Variants in H3Y2 observed in about 807,000 individuals in gnomAD.
The protein encoded by H3Y2 is histone H3.X.
A neutral mutation model predicts 0.6 loss-of-function variants in H3Y2; 2 were observed. That is an observed-to-expected ratio of 3.36 (90% CI 1.37 to 10.58). The LOEUF is 10.58. Among genes scored for constraint, H3Y2 ranks in the 30% most tolerant of loss-of-function variants. The pLI is 0.04. For synonymous variants in H3Y2, 20 were observed against 7.8 expected (o/e 2.56, Z -2.60); for missense variants, 36 against 19.1 (o/e 1.89, Z -1.66).
At position 17,491,870 on chromosome 5, in the gene H3Y2, C is replaced by G. The variant is rs1265984238; in HGVS notation, c.-102G>C. 7.5e-6 allele frequency: 3 copies of G among 397,830 alleles called. No individual in the cohort carries two copies. The highest frequency in any genetic ancestry group is 1.3e-5 in the Non-Finnish European group (3 of 226,306). The allele number at this position is 397,830 out of a possible 1,614,324, so 24.6% of individuals were successfully genotyped here. On this transcript the variant is annotated 5_prime_UTR_variant, in exon 1 of 1. The change abolishes the stop of an existing upstream ORF in the 5' untranslated region. Coordinates refer to ENST00000600799, the MANE Select transcript of H3Y2 (RefSeq NM_001371919.1). The stretch of plus-strand genomic sequence containing the variant: ...GGGCAGTGGTGCTGTGGACAGGATT[C>G]AGAGAGCCTGTGAGTTGAGATCCAT...
In H3Y2 at chr5:17,491,500, A is replaced by G. The variant is rs1232315851; in HGVS notation, c.269T>C (p.Ile90Thr). The part of the protein sequence containing the change: ...SPDLRFQSAA[I>T]GALQEASEAY... ...CTCGCTGGCCTCCTGCAGGGCGCCA[A>G]TGGCCGCGCTCTGGAAGCGCAGGTC... The change falls in exon 1 of 1, where the codon ATT becomes ACT. Residue 90 changes from isoleucine to threonine, a missense_variant. Ile to Thr is a moderately conservative substitution (Grantham distance 89, BLOSUM62 -1). Transcript: ENST00000600799. 3.6e-5 allele frequency: 19 copies of G among 521,708 alleles called. No homozygotes were observed. Among genetic ancestry groups the G allele is most frequent in the Non-Finnish European group, 5.1e-5 (15 of 293,630 alleles). The allele number at this position is 521,708 out of a possible 1,614,324, so 32.3% of individuals were successfully genotyped here.
chr5:17,491,647 C>A lies in H3Y2; in HGVS notation c.122G>T (p.Arg41Leu). 4.9e-6 allele frequency: 2 copies of A among 410,608 alleles called. No homozygotes were observed. The highest frequency in any genetic ancestry group is 8.6e-6 in the Non-Finnish European group (2 of 232,172). 25.4% of individuals were successfully genotyped at this position (410,608 alleles called of 1,614,324 possible). ...SPTGGIKKPH[R>L]YKPGTLALRE... is the part of the protein sequence containing the mutation. Reference sequence around the variant, plus strand: ...CAGCGCCAGGGTGCCAGGCTTGTAGCGGTGAGGCTTCTTGATCCCTCCTGT... The same window carrying A: ...CAGCGCCAGGGTGCCAGGCTTGTAGAGGTGAGGCTTCTTGATCCCTCCTGT... Residue 41 changes from arginine to leucine, a missense_variant, in exon 1 of 1, where the codon CGC becomes CTC. Transcript: ENST00000600799.
At position 17,491,647 on chromosome 5, in the gene H3Y2, C is replaced by T. The variant is rs1738114520; in HGVS notation, c.122G>A (p.Arg41His). 4.9e-6 allele frequency: 2 copies of T among 410,608 alleles called. No homozygotes were observed. The highest frequency in any genetic ancestry group is 8.6e-6 in the Non-Finnish European group (2 of 232,172). 25.4% of individuals were successfully genotyped at this position (410,608 alleles called of 1,614,324 possible). ...CAGCGCCAGGGTGCCAGGCTTGTAG[C>T]GGTGAGGCTTCTTGATCCCTCCTGT... ...SPTGGIKKPH[R>H]YKPGTLALRE... Residue 41 changes from arginine to histidine, a missense_variant, in exon 1 of 1, where the codon CGC (arginine) becomes CAC (histidine). Physicochemically the swap from Arg to His is conservative, Grantham distance 29. Transcript: ENST00000600799.
At position 17,491,710 on chromosome 5, in the gene H3Y2, G is replaced by A. The variant is rs1738116643; in HGVS notation, c.59C>T (p.Pro20Leu). Residue 20 changes from proline (P) to leucine (L), a missense_variant, in exon 1 of 1, where the codon CCC becomes CTC. Physicochemically the swap from Pro to Leu is moderately conservative, Grantham distance 98. Coordinates refer to ENST00000600799, the MANE Select transcript of H3Y2 (RefSeq NM_001371919.1). ...TTTTCTGGCGGCTTTGGTGGCCAGGGGCTTCCTGGGGGCCTGCCAGGCGGT... is the reference window on the plus strand; with the variant it reads ...TTTTCTGGCGGCTTTGGTGGCCAGGAGCTTCCTGGGGGCCTGCCAGGCGGT... ...KATAWQAPRK[P>L]LATKAARKRA... 4.9e-6 allele frequency: 2 copies of A among 404,092 alleles called. No individual in the cohort carries two copies. The highest frequency in any genetic ancestry group is 1.1e-4 in the South Asian group (1 of 8,764). The allele number at this position is 404,092 out of a possible 1,614,324, so 25.0% of individuals were successfully genotyped here.
chr5:17,491,794 C>A lies in H3Y2; in HGVS notation c.-26G>T. On this transcript the variant is annotated 5_prime_UTR_variant, in exon 1 of 1. Coordinates refer to ENST00000600799, the MANE Select transcript of H3Y2 (RefSeq NM_001371919.1). ...GTTGTGGGGCCTTGTGCTCTCTCCT[C>A]TCTGAGGCTGAGCCTGGCCTGCTGC... is the stretch of plus-strand genomic sequence containing the variant. 2.5e-6 allele frequency: 1 copy of A among 400,012 alleles called. No homozygotes were observed. Among genetic ancestry groups the A allele is most frequent in the Non-Finnish European group, 4.4e-6 (1 of 227,310 alleles). 24.8% of individuals were successfully genotyped at this position (400,012 alleles called of 1,614,324 possible).
In H3Y2 at chr5:17,491,976, G is replaced by A. The variant is rs2126624569; in HGVS notation, c.-208C>T. 6.6e-6 allele frequency among the ~76,000 whole-genome samples: 1 copy of A among 151,738 alleles called. No individual in the cohort carries two copies. Among genetic ancestry groups the A allele is most frequent in the Admixed American group, 6.6e-5 (1 of 15,264 alleles). On this transcript the variant is annotated 5_prime_UTR_variant, in exon 1 of 1. Transcript: ENST00000600799. Reference sequence around the variant, plus strand: ...CTCTCAGGTCTGTGGGTCGGAGGCCGGGCTGCTTAGTCTTCCCGGAAGGTC... The same window carrying A: ...CTCTCAGGTCTGTGGGTCGGAGGCCAGGCTGCTTAGTCTTCCCGGAAGGTC...
At position 17,491,776 on chromosome 5, in the gene H3Y2, G is replaced by A; in HGVS notation, c.-8C>T. 1 of 401,304 alleles carries A rather than the reference G, an allele frequency of 2.5e-6. No individual in the cohort carries two copies. 24.9% of individuals were successfully genotyped at this position (401,304 alleles called of 1,614,324 possible). A position where few individuals can be genotyped will look rare whatever the true frequency, so the allele number is the denominator to read the frequency against. On this transcript the variant is annotated 5_prime_UTR_variant, in exon 1 of 1. Transcript: ENST00000600799. The stretch of plus-strand genomic sequence containing the variant: ...CTGCTTGGTGCGCGCCATGTTGTGG[G>A]GCCTTGTGCTCTCTCCTCTCTGAGG...
In H3Y2 at chr5:17,491,302, C is replaced by T. The variant is rs1157106346; in HGVS notation, c.*23G>A. The T allele has an allele frequency of 1.2e-5, 5 of 400,502 alleles. 1 individual carries two copies. Among genetic ancestry groups the T allele is most frequent in the Non-Finnish European group, 1.3e-5 (3 of 226,986 alleles). The allele number at this position is 400,502 out of a possible 1,614,324, so 24.8% of individuals were successfully genotyped here. Reference sequence around the variant, plus strand: ...ACGGGGGAAGAGAAAAAAGAAAACACAAGCAAACAGAAAAGAAGTCCTCTA... The same window carrying T: ...ACGGGGGAAGAGAAAAAAGAAAACATAAGCAAACAGAAAAGAAGTCCTCTA... On this transcript the variant is annotated 3_prime_UTR_variant, in exon 1 of 1. Transcript: ENST00000600799.
the H3Y2 span, chr5:17,491,663 TC>T: frequency 2.4e-6 from 1 of 408,534 alleles, no homozygotes; most frequent in Non-Finnish European, 4.3e-6. Flanking sequence ...GGCTTCTTGA[TC>T]CCTCCTGTAG....
rs1738125521 is a variant in H3Y2 at position 17,491,893 on chromosome 5, C to T, written c.-125G>A. The T allele has an allele frequency of 2.5e-6, 1 of 397,362 alleles. No individual in the cohort carries two copies. Among genetic ancestry groups the T allele is most frequent in the Non-Finnish European group, 4.4e-6 (1 of 226,174 alleles). 24.6% of individuals were successfully genotyped at this position (397,362 alleles called of 1,614,324 possible). On this transcript the variant is annotated 5_prime_UTR_variant, in exon 1 of 1. It removes an upstream start codon present in the reference 5' UTR. Coordinates refer to ENST00000600799, the MANE Select transcript of H3Y2 (RefSeq NM_001371919.1). ...TTCAGAGAGCCTGTGAGTTGAGATC[C>T]ATGCGCAGGACTCTCCCACACACTT...
At position 17,491,348 on chromosome 5, in the gene H3Y2, G is replaced by T; in HGVS notation, c.421C>A (p.Leu141Ile). ...CTCTAGAGTGCAAGGTTTCCCAGGA[G>T]CGTGGGCTCTCCGGCACCCTCTCCA... Reference protein sequence around the residue: ...LRGEGAGEPTLLGNLAL With the variant: ...LRGEGAGEPTILGNLAL The change falls in exon 1 of 1, where the codon CTC becomes ATC. Residue 141 changes from leucine (L) to isoleucine (I), a missense_variant. By Grantham distance (5) the Leu-to-Ile change is conservative. Coordinates refer to ENST00000600799, the MANE Select transcript of H3Y2 (RefSeq NM_001371919.1). The T allele has an allele frequency of 2.4e-6, 1 of 421,138 alleles. No individual in the cohort carries two copies. The allele number at this position is 421,138 out of a possible 1,614,324, so 26.1% of individuals were successfully genotyped here.
In H3Y2 at chr5:17,491,943, C is replaced by T. The variant is rs1054841803; in HGVS notation, c.-175G>A. 6.6e-6 allele frequency among the ~76,000 whole-genome samples: 1 copy of T among 151,732 alleles called. No individual in the cohort carries two copies. The highest frequency in any genetic ancestry group is 1.5e-5 in the Non-Finnish European group (1 of 68,026). ...TAACCCCTGCCAACCCAACCCCACA[C>T]TTACCAGCTCTCAGGTCTGTGGGTC... On this transcript the variant is annotated 5_prime_UTR_variant, in exon 1 of 1. The change creates a new upstream start codon in the 5' untranslated region. Transcript: ENST00000600799.
chr5:17,491,927 C>G lies in H3Y2; in HGVS notation c.-159G>C, dbSNP rs927476422. 3.3e-5 allele frequency among the ~76,000 whole-genome samples: 5 copies of G among 151,702 alleles called. No individual in the cohort carries two copies. The highest frequency in any genetic ancestry group is 2.1e-4 in the South Asian group (1 of 4,830). On this transcript the variant is annotated 5_prime_UTR_variant, in exon 1 of 1. Transcript: ENST00000600799. ...GACTCTCCCACACACTTAACCCCTG[C>G]CAACCCAACCCCACACTTACCAGCT...
In H3Y2 at chr5:17,491,116, C is replaced by G. The variant is rs1336677079; in HGVS notation, c.*209G>C. ...CTTGACACTAGTACCTTGGGAGCCT[C>G]AAAGTAGATGAGACGTTTACTAACA... On this transcript the variant is annotated 3_prime_UTR_variant, in exon 1 of 1. Transcript: ENST00000600799. Among the ~76,000 whole-genome samples the G allele has an allele frequency of 6.6e-6, 1 of 151,612 alleles. No homozygotes were observed. Among genetic ancestry groups the G allele is most frequent in the South Asian group, 2.1e-4 (1 of 4,804 alleles).
chr5:17,491,583 G>A lies in H3Y2; in HGVS notation c.186C>T (p.Leu62=), dbSNP rs1738113297. 1 of 434,722 alleles carries A rather than the reference G, an allele frequency of 2.3e-6. No individual in the cohort carries two copies. The highest frequency in any genetic ancestry group is 2.1e-5 in the African/African-American group (1 of 48,732). 26.9% of individuals were successfully genotyped at this position (434,722 alleles called of 1,614,324 possible). A position where few individuals can be genotyped will look rare whatever the true frequency, so the allele number is the denominator to read the frequency against. The change falls in exon 1 of 1, where the codon CTC becomes CTT. Residue 62 remains leucine, a synonymous_variant. Coordinates refer to ENST00000600799, the MANE Select transcript of H3Y2 (RefSeq NM_001371919.1). Reference sequence around the variant, plus strand: ...GACGCTGGAAGGGCAGCTTGCGCAGGAGCAGCTGCGTGGACTTCTGGTACT... The same window carrying A: ...GACGCTGGAAGGGCAGCTTGCGCAGAAGCAGCTGCGTGGACTTCTGGTACT... ...IRKYQKSTQL[L]LRKLPFQRLV...
At position 17,491,281 on chromosome 5, in the gene H3Y2, G is replaced by A. The variant is rs1473599375; in HGVS notation, c.*44C>T. 2 of 399,610 alleles carry A rather than the reference G, an allele frequency of 5.0e-6. No homozygotes were observed. The highest frequency in any genetic ancestry group is 8.8e-6 in the Non-Finnish European group (2 of 227,038). The allele number at this position is 399,610 out of a possible 1,614,324, so 24.8% of individuals were successfully genotyped here. On this transcript the variant is annotated 3_prime_UTR_variant, in exon 1 of 1. Coordinates refer to ENST00000600799, the MANE Select transcript of H3Y2 (RefSeq NM_001371919.1). ...CTCACATCAGAACTACCAGTTACGG[G>A]GGAAGAGAAAAAAGAAAACACAAGC...
rs1328392897 is a variant in H3Y2, at chr5:17,491,017, G to A, written c.*308C>T. 2.7e-5 allele frequency among the ~76,000 whole-genome samples: 4 copies of A among 148,770 alleles called. 1 individual carries two copies. Among genetic ancestry groups the A allele is most frequent in the Admixed American group, 6.6e-5 (1 of 15,044 alleles). On this transcript the variant is annotated 3_prime_UTR_variant, in exon 1 of 1. Coordinates refer to ENST00000600799, the MANE Select transcript of H3Y2 (RefSeq NM_001371919.1). The stretch of plus-strand genomic sequence containing the variant: ...TTTACAGAACCCGTATGCAGACATA[G>A]TAAAGAAAAAAAAATAAGATTTCTT...
rs937755755 is a variant in H3Y2, at chr5:17,491,935, A to G, written c.-167T>C. On this transcript the variant is annotated 5_prime_UTR_variant, in exon 1 of 1. Transcript: ENST00000600799. The stretch of plus-strand genomic sequence containing the variant: ...CACACACTTAACCCCTGCCAACCCA[A>G]CCCCACACTTACCAGCTCTCAGGTC... 1.3e-5 allele frequency among the ~76,000 whole-genome samples: 2 copies of G among 151,326 alleles called. No individual in the cohort carries two copies. The highest frequency in any genetic ancestry group is 2.9e-5 in the Non-Finnish European group (2 of 67,970).
chr5:17,491,513 G>T lies in H3Y2; in HGVS notation c.256C>A (p.Gln86Lys). 2.0e-6 allele frequency: 1 copy of T among 507,104 alleles called. No individual in the cohort carries two copies. 31.4% of individuals were successfully genotyped at this position (507,104 alleles called of 1,614,324 possible). A position where few individuals can be genotyped will look rare whatever the true frequency, so the allele number is the denominator to read the frequency against. The change falls in exon 1 of 1, where the codon CAG becomes AAG. Residue 86 changes from glutamine (Q) to lysine (K), a missense_variant. Physicochemically the swap from Gln to Lys is moderately conservative, Grantham distance 53 (BLOSUM62 1). Coordinates refer to ENST00000600799, the MANE Select transcript of H3Y2 (RefSeq NM_001371919.1). The stretch of plus-strand genomic sequence containing the variant: ...TGCAGGGCGCCAATGGCCGCGCTCT[G>T]GAAGCGCAGGTCCGGGCTGATGGCC... ...AQAISPDLRF[Q>K]SAAIGALQEA...
Sources: gnomAD v4.1 joint callset for allele counts (sites outside exome capture counted in the v4.1 genomes callset) on GRCh38, gnomAD v4.1.1 for gene constraint, MANE v1.5 for transcripts, NCBI Gene and HGNC (gene_info 2026-07-23, HGNC 2026-07-21) for gene names.